The following MACF1 variants were observed in gnomAD, a reference collection of about 807,000 sequenced individuals.
MACF1 encodes microtubule actin crosslinking factor 1, also known as microtubule-actin cross-linking factor 1.
In MACF1, 193 loss-of-function variants were observed where a neutral mutation model predicts 854.8. That is an observed-to-expected ratio of 0.23 (90% CI 0.20 to 0.25). The LOEUF is 0.25. Among genes scored for constraint, MACF1 ranks in the 10% least tolerant of loss-of-function variants. The probability of loss-of-function intolerance (pLI) is 1.00; values close to 1 mark genes in which losing one functional copy is unlikely to be tolerated. For synonymous variants in MACF1, 3,185 were observed against 3,226.7 expected (o/e 0.99, Z 0.44); for missense variants, 7,722 against 8,929.1 (o/e 0.86, Z 5.45).
At chr1:39,154,455 A>G (rs571404173) in intron 2 of MACF1, among the ~76,000 whole-genome samples, 3 of 152,256 alleles carry the variant, frequency 2.0e-5, no homozygotes, top group African/African-American at 7.2e-5. Context: ...GTCCAGGTTC[A>G]GTTTCTCTGA....
rs377645382 is a variant in MACF1 at position 39,145,678 on chromosome 1, C to T, written c.220+61240C>T. Among the ~76,000 whole-genome samples, 36 of 152,324 alleles carry T rather than the reference C, an allele frequency of 2.4e-4. No homozygotes were observed. In the South Asian group the frequency reaches 3.9e-3, roughly 17 times the overall value. On this transcript the variant is annotated intron_variant, in intron 2 of 93. Transcript: ENST00000361689. ...ACTCAGCAGCCTCTTTTTGTTCTCA[C>T]GCTGTTTCATCTTGTCACAGCATCT...
intron 2 of MACF1, among the ~76,000 whole-genome samples, chr1:39,090,514 C>T (rs1266197113): frequency 2.6e-5 from 4 of 152,230 alleles, no homozygotes; most frequent in African/African-American, 4.8e-5. Context: ...AGGTGCAGGG[C>T]CCCTGTGGGA....
At chr1:39,381,114 A>G (rs1417031230) in intron 55 of MACF1, among the ~76,000 whole-genome samples, 5 of 151,896 alleles carry the variant, frequency 3.3e-5, no homozygotes. Context: ...CTAGAGTGCA[A>G]TGGCATGATC....
chr1:39,089,363 G>A (rs926447559), intron 2 of MACF1, among the ~76,000 whole-genome samples: 1 of 152,202 alleles, frequency 6.6e-6, no homozygotes, highest in African/African-American at 2.4e-5. Flanking sequence ...CCAGTAGAAA[G>A]CATCTATGGG....
chr1:39,134,268 G>A (rs924849956), intron 2 of MACF1, among the ~76,000 whole-genome samples: 1 of 150,928 alleles, frequency 6.6e-6, no homozygotes, highest in African/African-American at 2.4e-5. Context: ...GGATGGTTTC[G>A]ATCTCCTGAC....
chr1:39,477,630 G>A (rs548196813), intron 97 of MACF1, among the ~76,000 whole-genome samples: 1 of 152,164 alleles, frequency 6.6e-6, no homozygotes, highest in South Asian at 2.1e-4. Context: ...GAGGGGAGGA[G>A]TGGAGACAGC....
chr1:39,398,345 CCAAGGCCGGCCTTGAACTCCTGAGCT>C (rs1642353497), intron 58 of MACF1, among the ~76,000 whole-genome samples: 1 of 152,076 alleles, frequency 6.6e-6, no homozygotes, highest in Non-Finnish European at 1.5e-5. Flanking sequence ...CACCATGTTG[CCAAGGCCGGCCTTGAACTCCTGAGCT>C]CAAATGATCT....
chr1:39,432,428 T>C (rs747706928), intron 66 of MACF1, 107 bp from the exon 67 acceptor site: 1 of 929,702 alleles, frequency 1.1e-6, no homozygotes, highest in Non-Finnish European at 1.6e-6. Context: ...TTGTGAGATA[T>C]AAACTGTATT....
At chr1:39,260,557 G>A (rs1172341750) in intron 6 of MACF1, 1 of 151,708 alleles carries the variant, frequency 6.6e-6, no homozygotes, top group Non-Finnish European at 1.5e-5. Context: ...TAGAGACAGG[G>A]TTGTTGGCCA....
rs933745249 is a variant in MACF1, at chr1:39,410,567, C to G, written c.15817-11807C>G. The G allele has an allele frequency of 4.3e-6, 7 of 1,613,884 alleles. No homozygotes were observed. The African/African-American group carries it at 9.3e-5, about 22-fold the overall frequency. On this transcript the variant is annotated intron_variant, in intron 58 of 100. Coordinates refer to ENST00000564288, the MANE Select transcript of MACF1 (RefSeq NM_001394062.1). ...CTGGATGAGAGGATAATATTTGATG[C>G]ACTAAAGCTAAGCAGTGATGTGCAG...
chr1:39,248,515 C>G (rs978902319), intron 2 of MACF1, among the ~76,000 whole-genome samples: 2 of 151,974 alleles, frequency 1.3e-5, no homozygotes, highest in Admixed American at 1.3e-4. Context: ...TCCTGCTCTA[C>G]TTTCAGAGCT....
At chr1:39,099,312 C>T (rs1328215084) in intron 2 of MACF1, among the ~76,000 whole-genome samples, 1 of 152,164 alleles carries the variant, frequency 6.6e-6, no homozygotes, top group African/African-American at 2.4e-5. Flanking sequence ...ACCACCATCA[C>T]GCCCGGCTAA....
At chr1:39,453,086 T>C (rs577188326) in intron 87 of MACF1, among the ~76,000 whole-genome samples, 2 of 152,322 alleles carry the variant, frequency 1.3e-5, no homozygotes, top group South Asian at 4.1e-4. Flanking sequence ...ATGTTGACTA[T>C]TTCATCTTCT....
chr1:39,479,769 CATT>C, intron 97 of MACF1, 26 bp from the exon 98 acceptor site: 1 of 1,585,728 alleles, frequency 6.3e-7, no homozygotes, highest in Non-Finnish European at 8.7e-7. Context: ...GAAGAACTGA[CATT>C]GTGTGTGTGT....
chr1:39,422,243 G>C (rs972498087), intron 58 of MACF1, 131 bp from the exon 59 acceptor site: 2 of 654,284 alleles, frequency 3.1e-6, no homozygotes, highest in African/African-American at 3.7e-5. Context: ...ACGTGCAAAT[G>C]CTTGTTCTTT....
intron 58 of MACF1, among the ~76,000 whole-genome samples, chr1:39,414,704 A>G (rs1295677287): frequency 1.3e-5 from 2 of 152,252 alleles, no homozygotes; most frequent in Non-Finnish European, 2.9e-5. Flanking sequence ...AGATAAGCCA[A>G]TCCCACGGAA....
In MACF1 at chr1:39,411,666, T is replaced by C. The variant is rs763489894; in HGVS notation, c.15817-10708T>C. ...CTGACACAGACTCAGTGCAGATGTT[T>C]CTTGAACTTGAAAAGGAGTGTTTAT... is the stretch of plus-strand genomic sequence containing the variant. On this transcript the variant is annotated intron_variant, in intron 58 of 100. Transcript: ENST00000564288. The C allele has an allele frequency of 6.2e-6, 10 of 1,613,832 alleles. No homozygotes were observed. The East Asian group carries it at 8.9e-5, about 14-fold the overall frequency.
At chr1:39,212,626 T>C (rs1644530273) in intron 1 of MACF1, among the ~76,000 whole-genome samples, 1 of 152,174 alleles carries the variant, frequency 6.6e-6, no homozygotes, top group Non-Finnish European at 1.5e-5. Context: ...TTAAGTATTT[T>C]TTATTTTTTA....
At chr1:39,364,229 T>C (rs1165932499) in intron 49 of MACF1, among the ~76,000 whole-genome samples, 2 of 152,188 alleles carry the variant, frequency 1.3e-5, no homozygotes, top group Non-Finnish European at 1.5e-5. Context: ...AAACATGATA[T>C]GTGAATGTGG....
Sources: allele counts gnomAD v4.1 joint callset (sites outside exome capture counted in the v4.1 genomes callset), GRCh38; gene constraint gnomAD v4.1.1; transcripts MANE v1.5; gene names NCBI Gene and HGNC (gene_info 2026-07-23, HGNC 2026-07-21).